Variants in WWOX observed in about 807,000 individuals in gnomAD.
WWOX encodes WW domain-containing oxidoreductase.
Under a neutral mutation model 46.2 loss-of-function variants are expected in WWOX, and 69 were observed. The ratio of observed to expected loss-of-function variants is 1.49; its 90% CI spans 1.23 to 1.82. The LOEUF (loss-of-function observed/expected upper bound fraction) is 1.82, where lower values mean the gene tolerates loss of function less well. Ranked by LOEUF, WWOX falls within the 40% of genes most tolerant of loss-of-function variation. The pLI is 0.00. For missense variants in WWOX, 919 were observed against 542.6 expected (o/e 1.69, Z -6.89); for synonymous variants, 359 against 202.6 (o/e 1.77, Z -6.56).
At chr16:79,110,754 C>T (rs2049401195) in intron 8 of WWOX, 1 of 152,172 alleles carries the variant, frequency 6.6e-6, no homozygotes, top group South Asian at 2.1e-4. Context: ...GGGATGGAGG[C>T]TGGAGCAGGA....
At chr16:78,419,881 A>C (rs2082882549) in intron 6 of WWOX, among the ~76,000 whole-genome samples, 1 of 152,124 alleles carries the variant, frequency 6.6e-6, no homozygotes, top group African/African-American at 2.4e-5. Context: ...GGAAATACTT[A>C]CAAATTAAAT....
rs550857377 is a variant in WWOX at position 78,747,745 on chromosome 16, A to C, written c.1056+314993A>C. 2.6e-5 allele frequency among the ~76,000 whole-genome samples: 4 copies of C among 152,320 alleles called. No homozygotes were observed. The South Asian group carries it at 8.3e-4, about 32-fold the overall frequency. The stretch of plus-strand genomic sequence containing the variant: ...CCCTAGAGCGTCAGCCCATGAGCTT[A>C]TCCAGCCTACAGAGGAGATGCTGCA... On this transcript the variant is annotated intron_variant, in intron 8 of 8. Coordinates refer to ENST00000566780, the MANE Select transcript of WWOX (RefSeq NM_016373.4).
intron 4 of WWOX, among the ~76,000 whole-genome samples, chr16:78,134,461 T>C (rs2033719776): frequency 6.6e-6 from 1 of 152,198 alleles, no homozygotes; most frequent in African/African-American, 2.4e-5. Context: ...CCTTTGTTTT[T>C]ATTATGACAA....
chr16:78,357,729 G>C (rs746793102), intron 5 of WWOX, among the ~76,000 whole-genome samples: 1 of 152,150 alleles, frequency 6.6e-6, no homozygotes, highest in Non-Finnish European at 1.5e-5. Flanking sequence ...GCACAGTGCT[G>C]GGTGCTACAT....
At chr16:78,945,353 A>C (rs1054004318) in intron 8 of WWOX, among the ~76,000 whole-genome samples, 8 of 152,214 alleles carry the variant, frequency 5.3e-5, no homozygotes, top group Non-Finnish European at 8.8e-5. Context: ...CAAACTTTAC[A>C]ATAAGAAGGC....
chr16:78,825,379 T>A (rs1397745474), intron 8 of WWOX: 2 of 265,980 alleles, frequency 7.5e-6, no homozygotes, highest in Non-Finnish European at 1.5e-5. Context: ...CTAAAGACGC[T>A]TCTCTGAAGC....
intron 8 of WWOX, among the ~76,000 whole-genome samples, chr16:78,623,773 C>T (rs1346904639): frequency 1.3e-5 from 2 of 150,994 alleles, no homozygotes; most frequent in South Asian, 2.1e-4. Context: ...GAGGAAAGTT[C>T]TATTTTTCAT....
Position 78,181,175 on chromosome 16 carries a change from G to C in WWOX, c.516+16886G>C, listed in dbSNP as rs76701707. Reference sequence around the variant, plus strand: ...ACACACGAAGGGGAGGTGGAGACACGGAGGAGGGACAGAAAGACAGAGAGA... The same window carrying C: ...ACACACGAAGGGGAGGTGGAGACACCGAGGAGGGACAGAAAGACAGAGAGA... On this transcript the variant is annotated intron_variant, in intron 5 of 8. Transcript: ENST00000566780. 5.0e-3 allele frequency among the ~76,000 whole-genome samples: 766 copies of C among 152,192 alleles called. 6 individuals are homozygous for C. Among genetic ancestry groups the C allele is most frequent in the African/African-American group, 0.018 (731 of 41,522 alleles).
rs541889618 is a variant in WWOX at position 78,889,266 on chromosome 16, C to T, written c.1057-322342C>T. On this transcript the variant is annotated intron_variant, in intron 8 of 8. Coordinates refer to ENST00000566780, the MANE Select transcript of WWOX (RefSeq NM_016373.4). Reference sequence around the variant, plus strand: ...TCCACTCATTCATTTATATATTGTTCATATCTAATTATTTTCACACTGCAA... The same window carrying T: ...TCCACTCATTCATTTATATATTGTTTATATCTAATTATTTTCACACTGCAA... Among the ~76,000 whole-genome samples the T allele has an allele frequency of 2.6e-5, 4 of 152,146 alleles. No homozygotes were observed. The South Asian group carries it at 8.3e-4, about 32-fold the overall frequency.
intron 8 of WWOX, among the ~76,000 whole-genome samples, chr16:78,662,662 C>G (rs1360700899): frequency 6.6e-6 from 1 of 152,138 alleles, no homozygotes; most frequent in Non-Finnish European, 1.5e-5. Flanking sequence ...ATTTTGCTTT[C>G]TTTGGATGAA....
chr16:78,934,952 T>C (rs1027244842), intron 8 of WWOX, among the ~76,000 whole-genome samples: 6 of 151,894 alleles, frequency 4.0e-5, no homozygotes, highest in Non-Finnish European at 8.8e-5. Context: ...ATACAAACAT[T>C]AGACACTTTT....
chr16:78,503,033 C>T (rs935290499), intron 8 of WWOX, among the ~76,000 whole-genome samples: 15 of 152,200 alleles, frequency 9.9e-5, no homozygotes, highest in South Asian at 2.1e-4. Context: ...ATGTTTCAGA[C>T]GTTCCCATTT....
intron 8 of WWOX, among the ~76,000 whole-genome samples, chr16:78,709,602 G>A (rs571572359): frequency 5.3e-5 from 8 of 152,256 alleles, no homozygotes; most frequent in Admixed American, 3.3e-4. Flanking sequence ...TCAGGTGAGC[G>A]TGCTGTGGGT....
At chr16:78,116,249 C>T (rs1385967559) in intron 4 of WWOX, among the ~76,000 whole-genome samples, 1 of 152,252 alleles carries the variant, frequency 6.6e-6, no homozygotes, top group Middle Eastern at 3.4e-3. Context: ...CTTATTCTTT[C>T]TTTCTATCTT....
At chr16:79,035,627 C>A (rs758748098) in intron 8 of WWOX, among the ~76,000 whole-genome samples, 1 of 152,208 alleles carries the variant, frequency 6.6e-6, no homozygotes, top group African/African-American at 2.4e-5. Flanking sequence ...GCAACCTCGT[C>A]TCCCGGGTTC....
intron 8 of WWOX, among the ~76,000 whole-genome samples, chr16:78,485,781 G>A (rs1169934252): frequency 6.6e-6 from 1 of 152,176 alleles, no homozygotes; most frequent in Non-Finnish European, 1.5e-5. Context: ...TCCCCAGCAT[G>A]GGGCTTCATA....
At chr16:78,404,086 G>T (rs2082472663) in intron 6 of WWOX, among the ~76,000 whole-genome samples, 1 of 152,188 alleles carries the variant, frequency 6.6e-6, no homozygotes, top group African/African-American at 2.4e-5. Context: ...TTCGTTTCCA[G>T]TGCAATTTTA....
chr16:78,924,401 T>C (rs1399967456), intron 8 of WWOX, among the ~76,000 whole-genome samples: 1 of 152,186 alleles, frequency 6.6e-6, no homozygotes, highest in Non-Finnish European at 1.5e-5. Flanking sequence ...TCCACAAATA[T>C]TTATTTAAAA....
chr16:79,054,212 C>A (rs72795628), intron 8 of WWOX, among the ~76,000 whole-genome samples: 6 of 152,312 alleles, frequency 3.9e-5, no homozygotes, highest in Non-Finnish European at 8.8e-5. Flanking sequence ...AAGCATGCTG[C>A]AACGGGGAAT....
Sources: allele counts gnomAD v4.1 joint callset (sites outside exome capture counted in the v4.1 genomes callset), GRCh38; gene constraint gnomAD v4.1.1; transcripts MANE v1.5; gene names NCBI Gene and HGNC (gene_info 2026-07-23, HGNC 2026-07-21).